SRPK2: variants seen among roughly 807,000 people sequenced by gnomAD.
SRPK2 encodes the protein SRSF protein kinase 2.
Under a neutral mutation model 90.8 loss-of-function variants are expected in SRPK2, and 21 were observed. The observed-to-expected ratio is 0.23, with a 90% CI of 0.16 to 0.33. SRPK2 has a LOEUF of 0.33. Among genes scored for constraint, SRPK2 ranks in the 10% least tolerant of loss-of-function variants. The pLI, the probability that SRPK2 is intolerant of heterozygous loss-of-function variation, is 1.00. For synonymous variants in SRPK2, 288 were observed against 311.1 expected, an observed-to-expected ratio of 0.93 and a Z score of 0.78; for missense variants, 620 against 869.0, an observed-to-expected ratio of 0.71 and a Z score of 3.60.
chr7:105,291,242 C>T (rs1412690846), intron 2 of SRPK2, among the ~76,000 whole-genome samples: 1 of 152,124 alleles, frequency 6.6e-6, no homozygotes, highest in Admixed American at 6.6e-5. Context: ...CTGGGCCATA[C>T]AAAGATATGT....
intron 2 of SRPK2, among the ~76,000 whole-genome samples, chr7:105,364,330 A>G (rs1259397056): frequency 6.6e-6 from 1 of 151,770 alleles, no homozygotes; most frequent in Non-Finnish European, 1.5e-5. Flanking sequence ...TACAACCCAG[A>G]CATTCATGAT....
At chr7:105,173,843 G>A (rs1791465253) in intron 3 of SRPK2, among the ~76,000 whole-genome samples, 1 of 151,658 alleles carries the variant, frequency 6.6e-6, no homozygotes, top group South Asian at 2.1e-4. Flanking sequence ...TAAGAGTTTG[G>A]TTGATAACAC....
chr7:105,167,991 A>G lies in SRPK2; in HGVS notation c.426+17T>C. ...CATTAAGTTTTCTTATATCATTCAC[A>G]TTTTTAAAGTACTTACACATTTGAG... On this transcript the variant is annotated intron_variant, in intron 5 of 15. Transcript: ENST00000393651. 3.2e-6 allele frequency: 5 copies of G among 1,567,880 alleles called. No individual in the cohort carries two copies. The highest frequency in any genetic ancestry group is 4.3e-6 in the Non-Finnish European group (5 of 1,150,162).
intron 2 of SRPK2, chr7:105,268,739 A>T: frequency 6.6e-7 from 1 of 1,519,366 alleles, no homozygotes; most frequent in Non-Finnish European, 9.0e-7. Context: ...AGAAAAAAAA[A>T]TATGTCCTGG....
intron 2 of SRPK2, among the ~76,000 whole-genome samples, chr7:105,242,182 T>A (rs993692731): frequency 6.6e-6 from 1 of 152,138 alleles, no homozygotes; most frequent in African/African-American, 2.4e-5. Context: ...TAATCTAACA[T>A]ACATCCCCTC....
chr7:105,138,683 C>T (rs1353211043), intron 11 of SRPK2, among the ~76,000 whole-genome samples: 1 of 152,102 alleles, frequency 6.6e-6, no homozygotes, highest in African/African-American at 2.4e-5. Flanking sequence ...CAACTGTAGT[C>T]CCAGCTACTT....
At chr7:105,350,957 T>C (rs1817104396) in intron 2 of SRPK2, among the ~76,000 whole-genome samples, 1 of 152,148 alleles carries the variant, frequency 6.6e-6, no homozygotes, top group African/African-American at 2.4e-5. Flanking sequence ...TTACGCGCTT[T>C]ATCTATTTGC....
chr7:105,283,711 A>C (rs1807651414), intron 2 of SRPK2, among the ~76,000 whole-genome samples: 2 of 152,186 alleles, frequency 1.3e-5, no homozygotes, highest in African/African-American at 4.8e-5. Flanking sequence ...AATATTGTGA[A>C]TATGCTAAAA....
At chr7:105,270,182 T>A (rs1020334645) in intron 2 of SRPK2, among the ~76,000 whole-genome samples, 1 of 152,148 alleles carries the variant, frequency 6.6e-6, no homozygotes, top group African/African-American at 2.4e-5. Flanking sequence ...AAAAGCGGCA[T>A]GAATACCTGA....
intron 3 of SRPK2, among the ~76,000 whole-genome samples, chr7:105,190,378 T>C (rs1023463048): frequency 2.0e-5 from 3 of 152,246 alleles, no homozygotes; most frequent in African/African-American, 7.2e-5. Flanking sequence ...ATATCTTGGT[T>C]GCTCTCCTAC....
chr7:105,298,735 C>A (rs1249713174), intron 2 of SRPK2: 10 of 985,438 alleles, frequency 1.0e-5, no homozygotes, highest in Non-Finnish European at 1.2e-5. Context: ...GCTGATGCCT[C>A]ACGTTAGCAG....
chr7:105,123,920 T>C (rs1018124077), intron 15 of SRPK2, among the ~76,000 whole-genome samples: 30 of 152,216 alleles, frequency 2.0e-4, no homozygotes, highest in African/African-American at 6.3e-4. Flanking sequence ...TTTTGGTCTC[T>C]CATTAGGAAG....
At chr7:105,225,622 T>C (rs1007235009) in intron 2 of SRPK2, among the ~76,000 whole-genome samples, 1 of 152,224 alleles carries the variant, frequency 6.6e-6, no homozygotes, top group Non-Finnish European at 1.5e-5. Flanking sequence ...ATTTTTCACA[T>C]TGCAATTACA....
chr7:105,126,378 G>C (rs200737312), intron 14 of SRPK2, 38 bp from the exon 15 acceptor site: 1 of 1,450,812 alleles, frequency 6.9e-7, no homozygotes, highest in Non-Finnish European at 9.6e-7. Flanking sequence ...GGAATGGGAG[G>C]GGCAAAGGGA....
chr7:105,118,230 T>C (rs1397624808), intron 15 of SRPK2, among the ~76,000 whole-genome samples: 1 of 152,238 alleles, frequency 6.6e-6, no homozygotes, highest in Non-Finnish European at 1.5e-5. Flanking sequence ...CTGGTGGATC[T>C]AAATAGAGGT....
rs1473492465 is a variant in SRPK2, at chr7:105,118,042, C to T, written c.1916-20G>A. 2 of 1,608,294 alleles carry T rather than the reference C, an allele frequency of 1.2e-6. No individual in the cohort carries two copies. The highest frequency in any genetic ancestry group is 4.5e-5 in the East Asian group (2 of 44,734). On this transcript the variant is annotated intron_variant, in intron 15 of 15. Coordinates refer to ENST00000393651, the MANE Select transcript of SRPK2 (RefSeq NM_182692.3). ...GTTCTCCTACAGGGGAAAAAACAGG[C>T]CAATGTCAAGAAAGCTCCAAATCTG...
chr7:105,242,598 AT>A (rs1472007613), intron 2 of SRPK2, among the ~76,000 whole-genome samples: 1 of 152,266 alleles, frequency 6.6e-6, no homozygotes, highest in South Asian at 2.1e-4. Flanking sequence ...AGTGATCATT[AT>A]TAGGTTCTGC....
intron 2 of SRPK2, among the ~76,000 whole-genome samples, chr7:105,227,469 CAT>C (rs1263138430): frequency 3.3e-5 from 5 of 152,152 alleles, no homozygotes; most frequent in Admixed American, 1.3e-4. Flanking sequence ...CCAAAAAGCA[CAT>C]GACAAGATGG....
intron 2 of SRPK2, among the ~76,000 whole-genome samples, chr7:105,303,968 T>C (rs1263660247): frequency 2.0e-5 from 3 of 152,112 alleles, no homozygotes; most frequent in Non-Finnish European, 4.4e-5. Context: ...TTTGAGAAAA[T>C]CGGTAGAGTT....
Sources: allele counts gnomAD v4.1 joint callset (sites outside exome capture counted in the v4.1 genomes callset), GRCh38; gene constraint gnomAD v4.1.1; transcripts MANE v1.5; gene names NCBI Gene and HGNC (gene_info 2026-07-23, HGNC 2026-07-21).